Variants in ABI2 observed in about 807,000 individuals in gnomAD.
ABI2 encodes abelson interactor 2.
ABI2 carries 25 observed loss-of-function variants against 59.2 expected under a neutral mutation model. The observed-to-expected ratio is 0.42, with a 90% CI of 0.31 to 0.59. The LOEUF (loss-of-function observed/expected upper bound fraction) is 0.59. Ranked by LOEUF, ABI2 falls within the 20% of genes least tolerant of loss-of-function variation. The pLI, the probability that ABI2 is intolerant of heterozygous loss-of-function variation, is 0.14. For missense variants in ABI2, 545 were observed against 681.8 expected, an observed-to-expected ratio of 0.80 and a Z score of 2.23; for synonymous variants, 213 against 235.5, an observed-to-expected ratio of 0.90 and a Z score of 0.87.
chr2:203,399,035 A>G (rs763810553), intron 8 of ABI2, among the ~76,000 whole-genome samples: 1 of 152,084 alleles, frequency 6.6e-6, no homozygotes, highest in African/African-American at 2.4e-5. Flanking sequence ...TTTTGTGCAC[A>G]TGGGTTTTTA....
chr2:203,345,874 T>C (rs574222189), intron 1 of ABI2, among the ~76,000 whole-genome samples: 1 of 151,852 alleles, frequency 6.6e-6, no homozygotes, highest in East Asian at 2.0e-4. Flanking sequence ...AGATGAGTTT[T>C]GCTTTTGACA....
intron 1 of ABI2, among the ~76,000 whole-genome samples, chr2:203,358,916 G>A (rs1365808560): frequency 6.6e-6 from 1 of 152,166 alleles, no homozygotes; most frequent in Non-Finnish European, 1.5e-5. Context: ...GGAGACTGAG[G>A]CACAAGAACT....
At chr2:203,404,327 C>T (rs1035869456) in intron 9 of ABI2, among the ~76,000 whole-genome samples, 3 of 152,166 alleles carry the variant, frequency 2.0e-5, no homozygotes, top group African/African-American at 4.8e-5. Flanking sequence ...ATCTGTAGTC[C>T]ATCCAGTGCA....
rs79188986 is a variant in ABI2 at position 203,422,551 on chromosome 2, C to T, written c.1454-4626C>T. On this transcript the variant is annotated intron_variant, in intron 11 of 11. Transcript: ENST00000261018. The stretch of plus-strand genomic sequence containing the variant: ...TCCTAGTTTCCTGGCTCCACAGAAG[C>T]GTAGTAATCAGATAACTGGGAGAAG... 2.0e-4 allele frequency among the ~76,000 whole-genome samples: 31 copies of T among 152,142 alleles called. No homozygotes were observed. The East Asian group carries it at 5.8e-3, about 28-fold the overall frequency.
At chr2:203,407,358 A>G (rs556296018) in intron 9 of ABI2, among the ~76,000 whole-genome samples, 1 of 152,334 alleles carries the variant, frequency 6.6e-6, no homozygotes, top group Admixed American at 6.5e-5. Flanking sequence ...TATAATATAT[A>G]TATCTCCTCT....
chr2:203,357,246 T>G (rs761583557), intron 1 of ABI2, among the ~76,000 whole-genome samples: 5 of 152,176 alleles, frequency 3.3e-5, no homozygotes, highest in Admixed American at 6.5e-5. Context: ...AAAAATCCAG[T>G]CCTTTTAATA....
intron 2 of ABI2, among the ~76,000 whole-genome samples, chr2:203,372,938 A>G (rs2095389678): frequency 6.6e-6 from 1 of 151,106 alleles, no homozygotes; most frequent in Non-Finnish European, 1.5e-5. Flanking sequence ...CACTTCCTAG[A>G]CGGGATGGCG....
At chr2:203,422,808 A>G (rs753601204) in intron 11 of ABI2, among the ~76,000 whole-genome samples, 3 of 152,196 alleles carry the variant, frequency 2.0e-5, no homozygotes, top group Non-Finnish European at 2.9e-5. Flanking sequence ...GTTCTAAAAC[A>G]TTTCTTAGAA....
At chr2:203,351,516 T>C (rs1444343088) in intron 1 of ABI2, 1 of 423,958 alleles carries the variant, frequency 2.4e-6, no homozygotes, top group Non-Finnish European at 4.6e-6. Flanking sequence ...TGATGTTTTG[T>C]AGTTTTCAGT....
Position 203,402,657 on chromosome 2 carries a change from G to T in ABI2, c.1115G>T (p.Arg372Ile). The part of the protein sequence containing the change: ...PPTIGGSLPY[R>I]RPPSITSQTS... Reference sequence around the variant, plus strand: ...ACAATAGGGGGCTCGTTGCCCTATAGACGCCCTCCTTCCATTACTTCACAA... The same window carrying T: ...ACAATAGGGGGCTCGTTGCCCTATATACGCCCTCCTTCCATTACTTCACAA... Residue 372 changes from arginine to isoleucine, a missense_variant, in exon 9 of 12, where the codon AGA (arginine) becomes ATA (isoleucine). Coordinates refer to ENST00000261018, the MANE Select transcript of ABI2 (RefSeq NM_001375670.1). 6.2e-7 allele frequency: 1 copy of T among 1,606,740 alleles called. No homozygotes were observed. Among genetic ancestry groups the T allele is most frequent in the Non-Finnish European group, 8.5e-7 (1 of 1,177,428 alleles).
rs1304282751 is a variant in ABI2 at position 203,342,360 on chromosome 2, G to A, written c.117+13729G>A. ...GGACTGTTTTTTTGTTTTTCTTGAT[G>A]TTATGTGGCCTTACCCACTTATGTG... is the stretch of plus-strand genomic sequence containing the variant. On this transcript the variant is annotated intron_variant, in intron 1 of 11. Coordinates refer to ENST00000261018, the MANE Select transcript of ABI2 (RefSeq NM_001375670.1). 2.0e-5 allele frequency: 7 copies of A among 355,894 alleles called. No individual in the cohort carries two copies. In the East Asian group the frequency reaches 4.8e-4, roughly 24 times the overall value. The allele number at this position is 355,894 out of a possible 1,614,324, so 22.0% of individuals were successfully genotyped here.
At chr2:203,401,863 C>A (rs2153446406) in intron 8 of ABI2, among the ~76,000 whole-genome samples, 1 of 152,100 alleles carries the variant, frequency 6.6e-6, no homozygotes, top group East Asian at 1.9e-4. Context: ...TGGAATAAGA[C>A]TGTGTGTCAA....
At chr2:203,375,298 T>G (rs1320256569) in intron 2 of ABI2, among the ~76,000 whole-genome samples, 1 of 152,256 alleles carries the variant, frequency 6.6e-6, no homozygotes, top group Non-Finnish European at 1.5e-5. Flanking sequence ...ATTGTGTATT[T>G]GAATTAGTTT....
chr2:203,391,100 C>G lies in ABI2; in HGVS notation c.535C>G (p.Gln179Glu). Residue 179 changes from glutamine to glutamate, a missense_variant, in exon 5 of 12, where the codon CAG becomes GAG. Physicochemically the swap from Gln to Glu is conservative, Grantham distance 29 (BLOSUM62 2). This residue lies in a region of ABI2 where 410 missense variants were observed against 435.6 expected (regional missense o/e 0.94). Transcript: ENST00000261018. The part of the protein sequence containing the change: ...GGLPRTTPPT[Q>E]KPPSPPMSGK... The stretch of plus-strand genomic sequence containing the variant: ...GCTGCCGCGTACAACACCTCCAACT[C>G]AGAAGCCCCCTAGTCCCCCTATGTC... 6.2e-7 allele frequency: 1 copy of G among 1,613,950 alleles called. No homozygotes were observed. Among genetic ancestry groups the G allele is most frequent in the Non-Finnish European group, 8.5e-7 (1 of 1,179,956 alleles).
chr2:203,388,008 G>T (rs1232877173), intron 4 of ABI2, among the ~76,000 whole-genome samples: 1 of 151,936 alleles, frequency 6.6e-6, no homozygotes, highest in Admixed American at 6.6e-5. Context: ...ATATTTACCA[G>T]ATTATTTTAG....
rs1427830810 is a variant in ABI2, at chr2:203,386,456, T to TG, written c.480+4252dup. 6.5e-5 allele frequency: 9 copies of TG among 139,424 alleles called. 1 individual carries two copies. Among genetic ancestry groups the TG allele is most frequent in the Admixed American group, 7.4e-5 (1 of 13,536 alleles). 8.6% of individuals were successfully genotyped at this position (139,424 alleles called of 1,614,324 possible). A position where few individuals can be genotyped will look rare whatever the true frequency, so the allele number is the denominator to read the frequency against. On this transcript the variant is annotated intron_variant, in intron 4 of 11. Coordinates refer to ENST00000261018, the MANE Select transcript of ABI2 (RefSeq NM_001375670.1). ...TTTTTTTTTTTTTTTTTTTTTTTTT[T>TG]GGAGAGACGTGGTCTTGCTGTGTTG...
intron 10 of ABI2, among the ~76,000 whole-genome samples, chr2:203,416,558 A>G (rs1348965291): frequency 6.6e-6 from 1 of 152,124 alleles, no homozygotes; most frequent in African/African-American, 2.4e-5. Flanking sequence ...GGCCTCCCAA[A>G]GTGCTGGGAT....
intron 2 of ABI2, 169 bp downstream of exon 2, chr2:203,367,213 T>G: frequency 1.1e-6 from 1 of 895,828 alleles, no homozygotes; most frequent in Non-Finnish European, 1.5e-6. Context: ...GTGGGATGGT[T>G]ATCTTCTCTG....
intron 1 of ABI2, among the ~76,000 whole-genome samples, chr2:203,333,226 T>C (rs2074780078): frequency 6.6e-6 from 1 of 152,196 alleles, no homozygotes; most frequent in African/African-American, 2.4e-5. Flanking sequence ...GTAGGTATTA[T>C]GAAAGAAATG....
Sources: allele counts gnomAD v4.1 joint callset (sites outside exome capture counted in the v4.1 genomes callset), GRCh38; gene constraint gnomAD v4.1.1; regional missense constraint gnomAD v4.1.1; transcripts MANE v1.5; gene names NCBI Gene and HGNC (gene_info 2026-07-23, HGNC 2026-07-21).